ATP1B3: variants seen among roughly 807,000 people sequenced by gnomAD.
ATP1B3 encodes ATPase Na+/K+ transporting subunit beta 3, also known as sodium/potassium-transporting ATPase subunit beta-3.
A neutral mutation model predicts 30.2 loss-of-function variants in ATP1B3; 10 were observed. The observed-to-expected ratio is 0.33, with a 90% CI of 0.20 to 0.56. The LOEUF (loss-of-function observed/expected upper bound fraction) is 0.56. Ranked by LOEUF, ATP1B3 falls within the 20% of genes least tolerant of loss-of-function variation. The pLI is 0.90. For missense variants in ATP1B3, 238 were observed against 336.7 expected (o/e 0.71, Z 2.29); for synonymous variants, 113 against 117.0 (o/e 0.97, Z 0.22).
rs1172728630 is a variant in ATP1B3 at position 141,916,892 on chromosome 3, G to C, written c.582+872G>C. Reference sequence around the variant, plus strand: ...TTTCTTTTTTTTTCTTTTAGACGGAGTCTCACTCTGTCGCCTGGGCTGGAG... The same window carrying C: ...TTTCTTTTTTTTTCTTTTAGACGGACTCTCACTCTGTCGCCTGGGCTGGAG... On this transcript the variant is annotated intron_variant, in intron 5 of 6. Transcript: ENST00000286371. Among the ~76,000 whole-genome samples the C allele has an allele frequency of 9.2e-5, 14 of 151,880 alleles. No homozygotes were observed. The East Asian group carries it at 2.5e-3, about 27-fold the overall frequency.
At chr3:141,905,903 C>T (rs924057944) in intron 2 of ATP1B3, among the ~76,000 whole-genome samples, 3 of 151,834 alleles carry the variant, frequency 2.0e-5, no homozygotes, top group Non-Finnish European at 4.4e-5. Flanking sequence ...TATTTTAGTA[C>T]TTAAAGTATC....
chr3:141,879,910 T>G (rs1216974668), intron 1 of ATP1B3, among the ~76,000 whole-genome samples: 1 of 150,116 alleles, frequency 6.7e-6, no homozygotes, highest in African/African-American at 2.5e-5. Context: ...TCAAATTTTA[T>G]GTAGGTGGTG....
chr3:141,896,989 G>A (rs1934077952), intron 1 of ATP1B3, among the ~76,000 whole-genome samples: 1 of 152,176 alleles, frequency 6.6e-6, no homozygotes, highest in Admixed American at 6.5e-5. Flanking sequence ...CAGCCTGGGT[G>A]TGGAGGCTGT....
intron 1 of ATP1B3, among the ~76,000 whole-genome samples, chr3:141,889,840 T>C (rs1310093356): frequency 6.7e-6 from 1 of 148,876 alleles, no homozygotes; most frequent in Non-Finnish European, 1.5e-5. Flanking sequence ...CATATATATA[T>C]ATATACAGTT....
At chr3:141,884,663 T>A (rs1293507915) in intron 1 of ATP1B3, among the ~76,000 whole-genome samples, 1 of 152,190 alleles carries the variant, frequency 6.6e-6, no homozygotes, top group East Asian at 1.9e-4. Context: ...AAGGAGAGAC[T>A]GGCCCTAGCC....
intron 4 of ATP1B3, among the ~76,000 whole-genome samples, chr3:141,915,264 G>C (rs1211306053): frequency 6.6e-6 from 1 of 152,228 alleles, no homozygotes; most frequent in Non-Finnish European, 1.5e-5. Context: ...GATGAGATGA[G>C]CTTACGTAGT....
rs1041808731 is a variant in ATP1B3 at position 141,925,802 on chromosome 3, A to G, written c.*101A>G. ...AGAATTATGAGACCACCTTGGAGAA[A>G]GGTGTGTGGTACATGACATTGGGTT... On this transcript the variant is annotated 3_prime_UTR_variant, in exon 7 of 7. Transcript: ENST00000286371. 74 of 1,411,660 alleles carry G rather than the reference A, an allele frequency of 5.2e-5. No homozygotes were observed. Among genetic ancestry groups the G allele is most frequent in the Non-Finnish European group, 6.3e-5 (65 of 1,030,314 alleles). The allele number at this position is 1,411,660 out of a possible 1,614,324, so 87.4% of individuals were successfully genotyped here.
chr3:141,905,363 G>C (rs776551954), intron 2 of ATP1B3, among the ~76,000 whole-genome samples: 1 of 152,078 alleles, frequency 6.6e-6, no homozygotes, highest in Non-Finnish European at 1.5e-5. Flanking sequence ...TGTGAATAGA[G>C]GCCAGGGATG....
At chr3:141,881,852 G>A (rs1293349486) in intron 1 of ATP1B3, among the ~76,000 whole-genome samples, 2 of 152,158 alleles carry the variant, frequency 1.3e-5, no homozygotes, top group East Asian at 3.8e-4. Context: ...TACATGTGGT[G>A]ACAGCAGCAG....
chr3:141,890,159 C>T (rs1173947864), intron 1 of ATP1B3, among the ~76,000 whole-genome samples: 38 of 136,870 alleles, frequency 2.8e-4, no homozygotes, highest in Admixed American at 4.0e-4. Flanking sequence ...GGCATGGTCT[C>T]GGCTCACTCT....
rs563518515 is a variant in ATP1B3 at position 141,886,498 on chromosome 3, T to C, written c.109+9588T>C. On this transcript the variant is annotated intron_variant, in intron 1 of 6. Coordinates refer to ENST00000286371, the MANE Select transcript of ATP1B3 (RefSeq NM_001679.4). ...CTCACAATGGCTCTGCTCTACTACA[T>C]TTCTAATTAATTTTTAAAGTTTCCA... Among the ~76,000 whole-genome samples the C allele has an allele frequency of 3.8e-4, 58 of 152,276 alleles. No homozygotes were observed. In the South Asian group the frequency reaches 0.011, roughly 28 times the overall value.
Position 141,925,813 on chromosome 3 carries a change from A to G in ATP1B3, c.*112A>G. 7.6e-7 allele frequency: 1 copy of G among 1,316,432 alleles called. No homozygotes were observed. The highest frequency in any genetic ancestry group is 2.1e-5 in the Admixed American group (1 of 46,788). The allele number at this position is 1,316,432 out of a possible 1,614,324, so 81.5% of individuals were successfully genotyped here. ...ACCACCTTGGAGAAAGGTGTGTGGT[A>G]CATGACATTGGGTTACATCATAACG... On this transcript the variant is annotated 3_prime_UTR_variant, in exon 7 of 7. Transcript: ENST00000286371.
intron 1 of ATP1B3, among the ~76,000 whole-genome samples, chr3:141,889,750 A>AATATAT (rs1553743803): frequency 5.1e-5 from 4 of 79,090 alleles, no homozygotes; most frequent in African/African-American, 1.9e-4. Flanking sequence ...AAAAAAAAAA[A>AATATAT]ATATATACAC....
rs1442082470 is a variant in ATP1B3 at position 141,913,881 on chromosome 3, T to C, written c.531+45T>C. On this transcript the variant is annotated intron_variant, in intron 4 of 6. Transcript: ENST00000286371. Reference sequence around the variant, plus strand: ...CTGCTGCTGCTTTTTTCTAATATTCTCTTTTAAGGAGGCAACTATTTTTAG... The same window carrying C: ...CTGCTGCTGCTTTTTTCTAATATTCCCTTTTAAGGAGGCAACTATTTTTAG... The C allele has an allele frequency of 4.6e-6, 7 of 1,515,292 alleles. No homozygotes were observed. In the Admixed American group the frequency reaches 1.3e-4, roughly 28 times the overall value. The allele number at this position is 1,515,292 out of a possible 1,614,324, so 93.9% of individuals were successfully genotyped here.
rs775182342 is a variant in ATP1B3 at position 141,890,285 on chromosome 3, CTTTTTTT to C, written c.110-13306_110-13300del. 5.7e-3 allele frequency among the ~76,000 whole-genome samples: 162 copies of C among 28,532 alleles called. 14 individuals are homozygous for C. The highest frequency in any genetic ancestry group is 9.5e-3 in the African/African-American group (66 of 6,920). The allele number at this position is 28,532 out of a possible 152,430, so 18.7% of individuals were successfully genotyped here. ...TTTGTTTGTTTGTTTTTTTGTGGGG[CTTTTTTT>C]TTTTTTTTTTTTTTTTTTTTTTTTT... On this transcript the variant is annotated intron_variant, in intron 1 of 6. Coordinates refer to ENST00000286371, the MANE Select transcript of ATP1B3 (RefSeq NM_001679.4).
chr3:141,903,203 T>C (rs1934197750), intron 1 of ATP1B3, among the ~76,000 whole-genome samples: 1 of 152,238 alleles, frequency 6.6e-6, no homozygotes, highest in South Asian at 2.1e-4. Context: ...ATGCGTTTCA[T>C]GTACTAATTC....
chr3:141,911,492 C>CTTTTT (rs60462262), intron 3 of ATP1B3, among the ~76,000 whole-genome samples: 3 of 140,766 alleles, frequency 2.1e-5, no homozygotes, highest in African/African-American at 5.2e-5. Context: ...TTATCTTGGT[C>CTTTTT]TTTTTTTTTT....
chr3:141,911,507 T>C lies in ATP1B3; in HGVS notation c.347-2145T>C, dbSNP rs77293385. ...TTATCTTGGTCTTTTTTTTTTTTTT[T>C]CTTCATTGAGACAGTCTTACTCTGT... On this transcript the variant is annotated intron_variant, in intron 3 of 6. Transcript: ENST00000286371. 1.2e-3 allele frequency among the ~76,000 whole-genome samples: 183 copies of C among 148,790 alleles called. 1 individual carries two copies. Among genetic ancestry groups the C allele is most frequent in the Admixed American group, 2.1e-3 (31 of 14,880 alleles).
intron 6 of ATP1B3, among the ~76,000 whole-genome samples, chr3:141,922,888 C>A (rs552583338): frequency 6.6e-6 from 1 of 152,264 alleles, no homozygotes; most frequent in Admixed American, 6.5e-5. Context: ...CTGGCATGAA[C>A]CTGGGAGTCG....
Sources: allele counts gnomAD v4.1 joint callset (sites outside exome capture counted in the v4.1 genomes callset), GRCh38; gene constraint gnomAD v4.1.1; transcripts MANE v1.5; gene names NCBI Gene and HGNC (gene_info 2026-07-23, HGNC 2026-07-21).